Variants in SLC12A8 observed in about 807,000 individuals in gnomAD.
SLC12A8 encodes cation-chloride cotransporter 9.
Under a neutral mutation model 75.6 loss-of-function variants are expected in SLC12A8, and 69 were observed. The ratio of observed to expected loss-of-function variants is 0.91; its 90% CI spans 0.75 to 1.11. The LOEUF is 1.11. Ranked by LOEUF, SLC12A8 falls within the 50% of genes most tolerant of loss-of-function variation. SLC12A8 has a pLI of 0.00. For missense variants in SLC12A8, 877 were observed against 896.7 expected (o/e 0.98, Z 0.28); for synonymous variants, 365 against 372.8 (o/e 0.98, Z 0.24).
intron 5 of SLC12A8, among the ~76,000 whole-genome samples, chr3:125,162,219 G>T (rs1389211800): frequency 6.6e-6 from 1 of 152,204 alleles, no homozygotes; most frequent in African/African-American, 2.4e-5. Context: ...TACTGTTTTT[G>T]ATTCATCCTT....
intron 5 of SLC12A8, among the ~76,000 whole-genome samples, chr3:125,154,537 A>G (rs532926914): frequency 2.0e-4 from 30 of 152,296 alleles, no homozygotes; most frequent in Admixed American, 1.6e-3. Context: ...CACAAACAGA[A>G]TGCTCAATAA....
Position 125,187,251 on chromosome 3 carries a change from A to G in SLC12A8, c.376T>C (p.Tyr126His). The G allele has an allele frequency of 6.2e-7, 1 of 1,614,142 alleles. No individual in the cohort carries two copies. Among genetic ancestry groups the G allele is most frequent in the Non-Finnish European group, 8.5e-7 (1 of 1,180,004 alleles). The change falls in exon 4 of 14, where the codon TAT (tyrosine) becomes CAT (histidine). Residue 126 changes from tyrosine to histidine, a missense_variant. Physicochemically the swap from Tyr to His is moderately conservative, Grantham distance 83. Coordinates refer to ENST00000469902, the MANE Select transcript of SLC12A8 (RefSeq NM_024628.6). ...GCAGGCCTCACCTGTCCAAACACAT[A>G]GAGCAGCCCGATGGTGCCTCCCGTC... Reference protein sequence around the residue: ...GQTGGTIGLLYVFGQCVAGAM... With the variant: ...GQTGGTIGLLHVFGQCVAGAM...
At chr3:125,142,912 C>T (rs1579502309) in intron 5 of SLC12A8, among the ~76,000 whole-genome samples, 3 of 152,352 alleles carry the variant, frequency 2.0e-5, no homozygotes, top group South Asian at 2.1e-4. Context: ...ACATGCCCTC[C>T]TCCCTTCCCT....
At position 125,120,691 on chromosome 3, in the gene SLC12A8, A is replaced by G; in HGVS notation, c.737-5T>C. ...TGTTGAAGCCGGCCATGACTCCTGAAAGACACCCAGATGGGGAATGGGGTG... is the reference window on the plus strand; with the variant it reads ...TGTTGAAGCCGGCCATGACTCCTGAGAGACACCCAGATGGGGAATGGGGTG... On this transcript the variant is annotated splice_polypyrimidine_tract_variant and splice_region_variant and intron_variant, in intron 6 of 13. Coordinates refer to ENST00000469902, the MANE Select transcript of SLC12A8 (RefSeq NM_024628.6). 1.2e-5 allele frequency: 20 copies of G among 1,612,398 alleles called. No homozygotes were observed. Among genetic ancestry groups the G allele is most frequent in the Non-Finnish European group, 1.7e-5 (20 of 1,178,876 alleles).
At chr3:125,170,218 T>C (rs189579710) in intron 5 of SLC12A8, among the ~76,000 whole-genome samples, 287 of 152,370 alleles carry the variant, frequency 1.9e-3, no homozygotes, top group African/African-American at 6.6e-3. Flanking sequence ...ACAACTTTAT[T>C]GGAAGGCAAT....
At chr3:125,103,194 C>G (rs1413179944) in intron 10 of SLC12A8, among the ~76,000 whole-genome samples, 1 of 152,086 alleles carries the variant, frequency 6.6e-6, no homozygotes, top group East Asian at 1.9e-4. Context: ...ATACCCTAAA[C>G]AGTGGGACCC....
intron 5 of SLC12A8, among the ~76,000 whole-genome samples, chr3:125,145,378 A>G (rs1253584072): frequency 6.6e-6 from 1 of 152,258 alleles, no homozygotes; most frequent in South Asian, 2.1e-4. Context: ...ATTAATAATA[A>G]CAAACAATGG....
Position 125,180,673 on chromosome 3 carries a change from AAATAAT to A in SLC12A8, c.391-2705_391-2700del, listed in dbSNP as rs896379747. Among the ~76,000 whole-genome samples, 110 of 152,040 alleles carry A rather than the reference AAATAAT, an allele frequency of 7.2e-4. 1 individual carries two copies. In the South Asian group the frequency reaches 0.013, roughly 19 times the overall value. On this transcript the variant is annotated intron_variant, in intron 4 of 13. Coordinates refer to ENST00000469902, the MANE Select transcript of SLC12A8 (RefSeq NM_024628.6). ...GCCACCGCACTCCAGCCTGGGCAGA[AAATAAT>A]AATAATAATAATAGCTACCGTCATT... is the stretch of plus-strand genomic sequence containing the variant.
chr3:125,093,745 G>T (rs562900343), intron 10 of SLC12A8, among the ~76,000 whole-genome samples: 1 of 152,210 alleles, frequency 6.6e-6, no homozygotes, highest in East Asian at 1.9e-4. Flanking sequence ...TGAGCCTAGG[G>T]CTTGGCATGT....
At chr3:125,085,957 C>T (rs774396247) in intron 13 of SLC12A8, among the ~76,000 whole-genome samples, 3 of 150,578 alleles carry the variant, frequency 2.0e-5, no homozygotes, top group South Asian at 2.1e-4. Context: ...CAGACTGGAG[C>T]GCAATGGTGC....
intron 5 of SLC12A8, among the ~76,000 whole-genome samples, chr3:125,140,447 C>T (rs1233479096): frequency 6.6e-6 from 1 of 152,206 alleles, no homozygotes; most frequent in Non-Finnish European, 1.5e-5. Context: ...CCCCTTACAG[C>T]ACAGGTTGCC....
chr3:125,141,700 C>A (rs1933643439), intron 5 of SLC12A8, among the ~76,000 whole-genome samples: 1 of 149,098 alleles, frequency 6.7e-6, no homozygotes, highest in Non-Finnish European at 1.5e-5. Flanking sequence ...CTGCGGGCTG[C>A]GGGCTGCTGC....
intron 6 of SLC12A8, 124 bp from the exon 7 acceptor site, chr3:125,120,810 C>T (rs1933038589): frequency 2.7e-6 from 2 of 747,710 alleles, no homozygotes; most frequent in Non-Finnish European, 4.7e-6. Context: ...AGCCCTCCAG[C>T]TGCAGCTCTG....
At chr3:125,110,395 C>A (rs145642323) in intron 8 of SLC12A8, 60 bp from the exon 9 acceptor site, 31 of 1,554,990 alleles carry the variant, frequency 2.0e-5, no homozygotes, top group Middle Eastern at 3.4e-4. Context: ...CTTTCTACCC[C>A]CCCAGCACCC....
intron 10 of SLC12A8, among the ~76,000 whole-genome samples, chr3:125,092,460 T>C (rs1938608855): frequency 6.6e-6 from 1 of 152,200 alleles, no homozygotes; most frequent in Non-Finnish European, 1.5e-5. Context: ...ATATGTCATC[T>C]GGGGCAACTG....
chr3:125,202,336 A>C (rs1935137497), intron 2 of SLC12A8, among the ~76,000 whole-genome samples: 1 of 152,268 alleles, frequency 6.6e-6, no homozygotes, highest in African/African-American at 2.4e-5. Context: ...AAATGAATGA[A>C]AAGGTAAGCT....
chr3:125,162,766 C>G (rs1330383992), intron 5 of SLC12A8, among the ~76,000 whole-genome samples: 1 of 152,172 alleles, frequency 6.6e-6, no homozygotes, highest in Non-Finnish European at 1.5e-5. Context: ...AAGTACCTAC[C>G]TAGGTAGTAA....
At chr3:125,197,277 C>T (rs775160760) in intron 2 of SLC12A8, among the ~76,000 whole-genome samples, 4 of 126,884 alleles carry the variant, frequency 3.2e-5, no homozygotes, top group Non-Finnish European at 6.7e-5. Flanking sequence ...TCCATACAGA[C>T]ATAAATAAAT....
chr3:125,184,229 C>A (rs1934726413), intron 4 of SLC12A8, among the ~76,000 whole-genome samples: 1 of 152,160 alleles, frequency 6.6e-6, no homozygotes, highest in Non-Finnish European at 1.5e-5. Flanking sequence ...CCTTGACCTC[C>A]CAAAGTGCTG....
Sources: gnomAD v4.1 joint callset for allele counts (sites outside exome capture counted in the v4.1 genomes callset) on GRCh38, gnomAD v4.1.1 for gene constraint, MANE v1.5 for transcripts, NCBI Gene and HGNC (gene_info 2026-07-23, HGNC 2026-07-21) for gene names.